Variants in LIMS2 observed in about 807,000 individuals in gnomAD.
LIMS2 encodes the protein LIM and senescent cell antigen-like-containing domain protein 2.
In LIMS2, 30 loss-of-function variants were observed where a neutral mutation model predicts 45.3. The ratio of observed to expected loss-of-function variants is 0.66; its 90% confidence interval spans 0.50 to 0.90. LIMS2 has a LOEUF of 0.90. LIMS2 is among the 40% of genes least tolerant of loss of function. LIMS2 has a pLI of 0.00. For missense variants in LIMS2, 485 were observed against 468.7 expected, an observed-to-expected ratio of 1.03 and a Z score of -0.32; for synonymous variants, 173 against 188.0, an observed-to-expected ratio of 0.92 and a Z score of 0.65.
chr2:127,664,703 A>C lies in LIMS2; in HGVS notation c.12-7141T>G. The C allele has an allele frequency of 1.4e-6, 1 of 723,060 alleles. No homozygotes were observed. Among genetic ancestry groups the C allele is most frequent in the Non-Finnish European group, 1.7e-6 (1 of 590,304 alleles). 44.8% of individuals were successfully genotyped at this position (723,060 alleles called of 1,614,324 possible). ...CCCAGACAGCACTGAGGTGAGGTCC[A>C]CAGTGGCGGCAGGACACCCAGGAGG... On this transcript the variant is annotated intron_variant, in intron 1 of 9. Coordinates refer to ENST00000355119, the MANE Select transcript of LIMS2 (RefSeq NM_001161403.3). The surrounding 1 kb of genome is among the most constrained non-coding windows in gnomAD (Gnocchi z 5.5).
In LIMS2 at chr2:127,657,606, G is replaced by A. The variant is rs577761974; in HGVS notation, c.12-44C>T. 20 of 1,548,916 alleles carry A rather than the reference G, an allele frequency of 1.3e-5. No homozygotes were observed. The South Asian group carries it at 2.2e-4, about 17-fold the overall frequency. ...AGGAGTGAGTCAGAGCTGGTCAGGG[G>A]TGCAGATGGGGCACACGCGGGGGCC... On this transcript the variant is annotated intron_variant, in intron 1 of 9. Coordinates refer to ENST00000355119, the MANE Select transcript of LIMS2 (RefSeq NM_001161403.3).
chr2:127,649,091 G>GAAAA (rs752842992), intron 4 of LIMS2, among the ~76,000 whole-genome samples: 1 of 133,546 alleles, frequency 7.5e-6, no homozygotes, highest in Non-Finnish European at 1.7e-5. Context: ...AAGAAAAAAA[G>GAAAA]AAAAAAGAAA....
Position 127,657,483 on chromosome 2 carries a change from T to C in LIMS2, c.91A>G (p.Ser31Gly), listed in dbSNP as rs995913660. 1 of 1,613,680 alleles carries C rather than the reference T, an allele frequency of 6.2e-7. No homozygotes were observed. The highest frequency in any genetic ancestry group is 8.5e-7 in the Non-Finnish European group (1 of 1,179,956). Residue 31 changes from serine (S) to glycine (G), a missense_variant, in exon 2 of 10, where the codon AGC becomes GGC. Ser to Gly is a moderately conservative substitution (Grantham distance 56). Transcript: ENST00000355119. ...TGCTCATGGTACAGCTCCCCATTGC[T>C]GTTGACAATGCGCTCGGCGGGGGAG... is the stretch of plus-strand genomic sequence containing the variant. ...RFSPAERIVN[S>G]NGELYHEHCF...
chr2:127,674,605 C>T, intron 1 of LIMS2: 1 of 982,954 alleles, frequency 1.0e-6, no homozygotes, highest in Non-Finnish European at 1.2e-6. Context: ...CGGAAGGCTC[C>T]AGAGATGACA....
rs1685473369 is a variant in LIMS2, at chr2:127,675,487, G to A, written c.-463C>T. 6.6e-6 allele frequency among the ~76,000 whole-genome samples: 1 copy of A among 151,952 alleles called. No homozygotes were observed. Among genetic ancestry groups the A allele is most frequent in the African/African-American group, 2.4e-5 (1 of 41,412 alleles). ...GGACACGGAGCGCGGCCAGCGGCGG[G>A]CGCGGGTCAAGTCCTTCCCAACCCG... On this transcript the variant is annotated 5_prime_UTR_variant, in exon 1 of 10. Coordinates refer to ENST00000355119, the MANE Select transcript of LIMS2 (RefSeq NM_001161403.3).
chr2:127,644,928 C>T (rs1481393315), intron 4 of LIMS2, among the ~76,000 whole-genome samples: 1 of 152,262 alleles, frequency 6.6e-6, no homozygotes, highest in Non-Finnish European at 1.5e-5. Flanking sequence ...AAGCCCATCT[C>T]TCTTGAAGGA....
chr2:127,649,456 G>GC (rs1364117497), intron 4 of LIMS2, among the ~76,000 whole-genome samples: 1 of 152,230 alleles, frequency 6.6e-6, no homozygotes, highest in Non-Finnish European at 1.5e-5. Context: ...GCCCAGAGGA[G>GC]CCCCAGAAGC....
intron 1 of LIMS2, among the ~76,000 whole-genome samples, chr2:127,658,510 T>C (rs1034338680): frequency 1.3e-5 from 2 of 152,200 alleles, no homozygotes; most frequent in South Asian, 4.1e-4. Flanking sequence ...GTGGGTTTCC[T>C]TCTGGGAGGG....
intron 4 of LIMS2, chr2:127,650,544 A>G (rs1188935589): frequency 2.4e-5 from 14 of 595,296 alleles, no homozygotes; most frequent in Non-Finnish European, 4.2e-5. Flanking sequence ...AATGCCTCTG[A>G]CGCTCACGCA....
At chr2:127,660,502 A>G (rs1337098499) in intron 1 of LIMS2, among the ~76,000 whole-genome samples, 2 of 152,160 alleles carry the variant, frequency 1.3e-5, no homozygotes, top group African/African-American at 4.8e-5. Context: ...CGAGGAACAG[A>G]TAATTCCGGA....
At chr2:127,668,253 T>C (rs565722918) in intron 1 of LIMS2, among the ~76,000 whole-genome samples, 2 of 152,322 alleles carry the variant, frequency 1.3e-5, no homozygotes, top group African/African-American at 2.4e-5. Context: ...CTACATCAAA[T>C]TGACCTATAG....
Position 127,640,036 on chromosome 2 carries a change from C to T in LIMS2, c.878+34G>A, listed in dbSNP as rs1359964764. ...GAAGGACCTGCAGGAGCCCCCTCCA[C>T]CCTGAGCCCCATCCCACGATCACAG... is the stretch of plus-strand genomic sequence containing the variant. On this transcript the variant is annotated intron_variant, in intron 9 of 9. Transcript: ENST00000355119. 2.5e-6 allele frequency: 4 copies of T among 1,608,016 alleles called. No homozygotes were observed. In the Admixed American group the frequency reaches 6.7e-5, roughly 27 times the overall value.
At chr2:127,657,606 G>C (rs577761974) in intron 1 of LIMS2, 44 bp from the exon 2 acceptor site, 1 of 1,548,916 alleles carries the variant, frequency 6.5e-7, no homozygotes, top group Non-Finnish European at 8.7e-7. Flanking sequence ...CTGGTCAGGG[G>C]TGCAGATGGG....
intron 1 of LIMS2, among the ~76,000 whole-genome samples, chr2:127,670,384 TATATA>T (rs1258439240): frequency 6.6e-6 from 1 of 152,234 alleles, no homozygotes; most frequent in Non-Finnish European, 1.5e-5. Context: ...CACAAAAGGC[TATATA>T]ATATATGGCT....
At position 127,651,480 on chromosome 2, in the gene LIMS2, G is replaced by A. The variant is rs761381132; in HGVS notation, c.359+2944C>T. 73 of 1,612,668 alleles carry A rather than the reference G, an allele frequency of 4.5e-5. No individual in the cohort carries two copies. Among genetic ancestry groups the A allele is most frequent in the Admixed American group, 1.2e-4 (7 of 60,004 alleles). ...GCTGGCCATCTTCCTGGTCTGCTTC[G>A]TGCCCTACCACGTCAACCGCTCCGT... On this transcript the variant is annotated intron_variant, in intron 4 of 9. Transcript: ENST00000355119.
rs1685318740 is a variant in LIMS2 at position 127,672,622 on chromosome 2, T to G, written c.11+2392A>C. Among the ~76,000 whole-genome samples, 1 of 152,144 alleles carries G rather than the reference T, an allele frequency of 6.6e-6. No individual in the cohort carries two copies. The highest frequency in any genetic ancestry group is 2.1e-4 in the South Asian group (1 of 4,826). On this transcript the variant is annotated intron_variant, in intron 1 of 9. Transcript: ENST00000355119. The surrounding 1 kb of genome is among the most constrained non-coding windows in gnomAD (Gnocchi z 4.9). Reference sequence around the variant, plus strand: ...AGAACCCTGAGTCAGCCTCCTCTCCTCCACCCGCTCAGCCACCCAGGAGAG... The same window carrying G: ...AGAACCCTGAGTCAGCCTCCTCTCCGCCACCCGCTCAGCCACCCAGGAGAG...
Position 127,642,452 on chromosome 2 carries a change from G to T in LIMS2, c.510-253C>A. 1 of 402,780 alleles carries T rather than the reference G, an allele frequency of 2.5e-6. No individual in the cohort carries two copies. Among genetic ancestry groups the T allele is most frequent in the Non-Finnish European group, 4.4e-6 (1 of 227,080 alleles). The allele number at this position is 402,780 out of a possible 1,614,324, so 25.0% of individuals were successfully genotyped here. ...ACCCAGGCCTCTGAGAAGCAGGTCT[G>T]TTCTTGGGCCCCCCTCCTCCTCCAA... On this transcript the variant is annotated intron_variant, in intron 5 of 9. Coordinates refer to ENST00000355119, the MANE Select transcript of LIMS2 (RefSeq NM_001161403.3). The surrounding 1 kb of genome is among the most constrained non-coding windows in gnomAD (Gnocchi z 5.3).
chr2:127,651,491 C>T (rs758362503), intron 4 of LIMS2: 5 of 1,612,808 alleles, frequency 3.1e-6, no homozygotes, highest in East Asian at 2.2e-5. Context: ...TGCCCTACCA[C>T]GTCAACCGCT....
rs1558870249 is a variant in LIMS2 at position 127,643,025 on chromosome 2, C to G, written c.407G>C (p.Gly136Ala). ...CHNREKAKGLGKYICQRCHLV... is the reference protein window; with the variant it reads ...CHNREKAKGLAKYICQRCHLV... ...GTGGCACCGCTGGCAGATGTACTTG[C>G]CCAGGCCCTTGGCCTTCTCACGGTT... The change falls in exon 5 of 10, where the codon GGC (glycine) becomes GCC (alanine). Residue 136 changes from glycine to alanine, a missense_variant. By Grantham distance (60) the Gly-to-Ala change is moderately conservative (BLOSUM62 0). Coordinates refer to ENST00000355119, the MANE Select transcript of LIMS2 (RefSeq NM_001161403.3). 5.7e-6 allele frequency: 9 copies of G among 1,587,770 alleles called. No individual in the cohort carries two copies. Among genetic ancestry groups the G allele is most frequent in the Non-Finnish European group, 6.9e-6 (8 of 1,167,462 alleles).
Sources: allele counts gnomAD v4.1 joint callset (sites outside exome capture counted in the v4.1 genomes callset), GRCh38; gene constraint gnomAD v4.1.1; non-coding constraint Gnocchi (gnomAD v3.1); transcripts MANE v1.5; gene names NCBI Gene and HGNC (gene_info 2026-07-23, HGNC 2026-07-21).